MAGI1: variants seen among roughly 807,000 people sequenced by gnomAD.
The protein encoded by MAGI1 is membrane-associated guanylate kinase, WW and PDZ domain-containing protein 1.
Under a neutral mutation model 139.9 loss-of-function variants are expected in MAGI1, and 58 were observed. The ratio of observed to expected loss-of-function variants is 0.41; its 90% CI spans 0.34 to 0.52. The LOEUF is 0.52. MAGI1 is among the 20% of genes least tolerant of loss of function. The pLI is 0.12. For missense variants in MAGI1, 1,874 were observed against 1,901.6 expected (o/e 0.99, Z 0.27); for synonymous variants, 812 against 737.9 (o/e 1.10, Z -1.63).
intron 3 of MAGI1, among the ~76,000 whole-genome samples, chr3:65,483,785 G>C (rs1951445632): frequency 6.6e-6 from 1 of 152,208 alleles, no homozygotes; most frequent in Non-Finnish European, 1.5e-5. Flanking sequence ...GAGGACTTAA[G>C]AGGAAGCCAC....
chr3:65,595,794 G>A (rs568775726), intron 2 of MAGI1, among the ~76,000 whole-genome samples: 2 of 83,204 alleles, frequency 2.4e-5, no homozygotes, highest in Non-Finnish European at 2.1e-5. Flanking sequence ...GTAAGCTTCC[G>A]TTTTTAACTC....
chr3:65,491,547 G>C (rs1057431236), intron 3 of MAGI1, among the ~76,000 whole-genome samples: 4 of 152,134 alleles, frequency 2.6e-5, no homozygotes, highest in Non-Finnish European at 5.9e-5. Context: ...AAGCCCCCCA[G>C]ATGGGCATAA....
chr3:65,942,368 T>C (rs1312846698), intron 1 of MAGI1, among the ~76,000 whole-genome samples: 1 of 152,210 alleles, frequency 6.6e-6, no homozygotes, highest in East Asian at 1.9e-4. Flanking sequence ...GAAGACGTTT[T>C]ATCTGTGCTC....
intron 2 of MAGI1, among the ~76,000 whole-genome samples, chr3:65,541,888 C>T (rs990991461): frequency 1.3e-5 from 2 of 152,144 alleles, no homozygotes; most frequent in Non-Finnish European, 2.9e-5. Context: ...TCTCACCACT[C>T]CTATTCAACA....
At chr3:66,026,698 G>C (rs2068281269) in intron 1 of MAGI1, among the ~76,000 whole-genome samples, 1 of 151,984 alleles carries the variant, frequency 6.6e-6, no homozygotes, top group Admixed American at 6.6e-5. Flanking sequence ...GGAAAGAATG[G>C]ACAGTGTTGG....
chr3:65,535,413 A>T (rs1369086568), intron 2 of MAGI1, among the ~76,000 whole-genome samples: 1 of 152,222 alleles, frequency 6.6e-6, no homozygotes, highest in East Asian at 1.9e-4. Context: ...TCCAGTCAAT[A>T]AGCCAGAGAT....
intron 2 of MAGI1, among the ~76,000 whole-genome samples, chr3:65,500,594 T>C (rs2077042740): frequency 6.6e-6 from 1 of 152,258 alleles, no homozygotes; most frequent in Non-Finnish European, 1.5e-5. Flanking sequence ...AGACATTCTC[T>C]TGAAATATCC....
intron 2 of MAGI1, among the ~76,000 whole-genome samples, chr3:65,522,024 C>G (rs2078187809): frequency 6.6e-6 from 1 of 152,064 alleles, no homozygotes; most frequent in Non-Finnish European, 1.5e-5. Flanking sequence ...AGAGGGAATA[C>G]TATCACAGAG....
chr3:66,020,744 AC>A (rs1435666895), intron 1 of MAGI1, among the ~76,000 whole-genome samples: 1 of 152,140 alleles, frequency 6.6e-6, no homozygotes, highest in African/African-American at 2.4e-5. Flanking sequence ...TAACTATACA[AC>A]CTCGGGGTAA....
chr3:65,911,670 G>A (rs544271186), intron 1 of MAGI1, among the ~76,000 whole-genome samples: 11 of 152,120 alleles, frequency 7.2e-5, no homozygotes, highest in South Asian at 2.1e-4. Flanking sequence ...CAGCATAACC[G>A]CTCTCTCTTC....
intron 2 of MAGI1, among the ~76,000 whole-genome samples, chr3:65,575,997 T>C (rs1390022836): frequency 6.6e-6 from 1 of 152,200 alleles, no homozygotes; most frequent in Non-Finnish European, 1.5e-5. Context: ...GCTGGTTTTA[T>C]GGGTATATGC....
chr3:65,694,236 T>A (rs1171005971), intron 1 of MAGI1, among the ~76,000 whole-genome samples: 1 of 152,184 alleles, frequency 6.6e-6, no homozygotes, highest in Non-Finnish European at 1.5e-5. Flanking sequence ...ATCTAAGCCA[T>A]AGCAGCTGTG....
intron 1 of MAGI1, among the ~76,000 whole-genome samples, chr3:65,968,940 C>G (rs1304706472): frequency 3.3e-5 from 5 of 152,116 alleles, no homozygotes; most frequent in African/African-American, 7.2e-5. Flanking sequence ...GACCTTAAAT[C>G]CAAGGTAGTC....
chr3:65,742,524 C>G (rs548853635), intron 1 of MAGI1, among the ~76,000 whole-genome samples: 3 of 152,146 alleles, frequency 2.0e-5, no homozygotes, highest in African/African-American at 7.2e-5. Context: ...CTGTCCTCAT[C>G]GCTGAAATAA....
At chr3:66,006,992 A>T (rs936761823) in intron 1 of MAGI1, among the ~76,000 whole-genome samples, 1 of 146,472 alleles carries the variant, frequency 6.8e-6, no homozygotes, top group Non-Finnish European at 1.5e-5. Flanking sequence ...CACCATGCCC[A>T]GCTATTTATT....
At chr3:65,947,938 CTTT>C (rs763826259) in intron 1 of MAGI1, among the ~76,000 whole-genome samples, 2 of 127,870 alleles carry the variant, frequency 1.6e-5, no homozygotes, top group Non-Finnish European at 1.7e-5. Context: ...ATATCTTTCT[CTTT>C]TTTTTTTTTT....
At chr3:65,672,946 A>G (rs995169232) in intron 1 of MAGI1, among the ~76,000 whole-genome samples, 2 of 152,194 alleles carry the variant, frequency 1.3e-5, no homozygotes, top group African/African-American at 4.8e-5. Flanking sequence ...CAAGTATGAT[A>G]AATTGCTTTC....
At chr3:65,477,705 A>AT (rs1293078224) in intron 4 of MAGI1, among the ~76,000 whole-genome samples, 11 of 111,460 alleles carry the variant, frequency 9.9e-5, no homozygotes, top group South Asian at 5.2e-4. Flanking sequence ...TATTATTATT[A>AT]TTATTATTTT....
intron 1 of MAGI1, among the ~76,000 whole-genome samples, chr3:66,025,016 T>C (rs1338500235): frequency 6.6e-6 from 1 of 152,168 alleles, no homozygotes; most frequent in Admixed American, 6.5e-5. Flanking sequence ...AAAGAAATAA[T>C]TCATGTGAGC....
Sources: gnomAD v4.1 joint callset for allele counts (sites outside exome capture counted in the v4.1 genomes callset) on GRCh38, gnomAD v4.1.1 for gene constraint, MANE v1.5 for transcripts, NCBI Gene and HGNC (gene_info 2026-07-23, HGNC 2026-07-21) for gene names.